The following SLC25A21 variants were observed in gnomAD, a reference collection of about 807,000 sequenced individuals.
The protein encoded by SLC25A21 is mitochondrial 2-oxodicarboxylate carrier.
A neutral mutation model predicts 43.8 loss-of-function variants in SLC25A21; 47 were observed. The ratio of observed to expected loss-of-function variants is 1.07; its 90% CI spans 0.85 to 1.37. The LOEUF is 1.37. SLC25A21 is among the 40% of genes most tolerant of loss of function. The pLI is 0.00. For synonymous variants in SLC25A21, 131 were observed against 121.3 expected (o/e 1.08, Z -0.52); for missense variants, 352 against 350.2 (o/e 1.00, Z -0.04).
chr14:36,820,102 C>T (rs147358380), intron 2 of SLC25A21, among the ~76,000 whole-genome samples: 1 of 152,208 alleles, frequency 6.6e-6, no homozygotes, highest in Non-Finnish European at 1.5e-5. Context: ...CAAGCCACCC[C>T]TTTGGCACTG....
At chr14:36,956,393 G>A (rs1011712617) in intron 1 of SLC25A21, among the ~76,000 whole-genome samples, 1 of 147,716 alleles carries the variant, frequency 6.8e-6, no homozygotes, top group African/African-American at 2.4e-5. Context: ...TAGAAATGGT[G>A]TAAAGTATAG....
chr14:36,742,280 T>C (rs1033593), intron 3 of SLC25A21, among the ~76,000 whole-genome samples: 87,616 of 152,026 alleles, frequency 0.58, 26,813 homozygotes, highest in African/African-American at 0.79. Context: ...ATCCAAGTTT[T>C]TTACCCACAT....
chr14:36,825,869 T>C (rs1409911454), intron 2 of SLC25A21, among the ~76,000 whole-genome samples: 1 of 152,234 alleles, frequency 6.6e-6, no homozygotes, highest in African/African-American at 2.4e-5. Context: ...TGAATTGTCA[T>C]ATCTAATGAA....
intron 2 of SLC25A21, among the ~76,000 whole-genome samples, chr14:36,866,640 A>G (rs1485904526): frequency 6.6e-6 from 1 of 152,184 alleles, no homozygotes; most frequent in Non-Finnish European, 1.5e-5. Flanking sequence ...TATTCTTCTT[A>G]GGAAAGAACC....
At chr14:36,700,469 A>C (rs1456356477) in intron 7 of SLC25A21, among the ~76,000 whole-genome samples, 1 of 152,168 alleles carries the variant, frequency 6.6e-6, no homozygotes, top group Non-Finnish European at 1.5e-5. Context: ...ATGTCACCAG[A>C]AGAGTGAATG....
chr14:36,879,649 G>A (rs566742871), intron 1 of SLC25A21, among the ~76,000 whole-genome samples: 19 of 152,012 alleles, frequency 1.2e-4, no homozygotes, highest in African/African-American at 3.9e-4. Flanking sequence ...ACATGCCTTC[G>A]CCTGAGCCAA....
intron 2 of SLC25A21, among the ~76,000 whole-genome samples, chr14:36,858,802 G>A: frequency 6.6e-6 from 1 of 152,008 alleles, no homozygotes; most frequent in South Asian, 2.1e-4. Flanking sequence ...TCACACTCTG[G>A]GAAATCAAAA....
chr14:36,697,350 T>G (rs1271354642), intron 7 of SLC25A21, among the ~76,000 whole-genome samples: 1 of 152,196 alleles, frequency 6.6e-6, no homozygotes, highest in East Asian at 1.9e-4. Flanking sequence ...AACTACAGAA[T>G]AAGTGTGATG....
chr14:36,933,988 T>C (rs1008630525), intron 1 of SLC25A21, among the ~76,000 whole-genome samples: 5 of 152,146 alleles, frequency 3.3e-5, no homozygotes, highest in Non-Finnish European at 4.4e-5. Flanking sequence ...GAAAGTTGAA[T>C]GCAAATCTCT....
intron 1 of SLC25A21, among the ~76,000 whole-genome samples, chr14:37,065,168 G>A (rs77352630): frequency 0.02 from 3,075 of 152,266 alleles, 105 homozygotes; most frequent in African/African-American, 0.07. Flanking sequence ...TATGGATGAG[G>A]TGACACTTGA....
intron 1 of SLC25A21, among the ~76,000 whole-genome samples, chr14:37,128,885 G>A (rs1224378425): frequency 6.6e-6 from 1 of 152,070 alleles, no homozygotes; most frequent in East Asian, 1.9e-4. Flanking sequence ...ACTGCACCTG[G>A]CCCTGCATTA....
rs774538637 is a variant in SLC25A21, at chr14:36,680,636, G to A, written c.*22C>T. 5.6e-6 allele frequency: 9 copies of A among 1,608,920 alleles called. No homozygotes were observed. In the African/African-American group the frequency reaches 9.4e-5, roughly 17 times the overall value. ...ATAGCAAATATCCATTATCTCAAGG[G>A]GGAAAAACACTTCATAGGCAATCAC... On this transcript the variant is annotated 3_prime_UTR_variant, in exon 10 of 10. Transcript: ENST00000331299.
Position 36,730,633 on chromosome 14 carries a change from C to G in SLC25A21, c.271-1067G>C, listed in dbSNP as rs1033556444. On this transcript the variant is annotated intron_variant, in intron 4 of 9. Transcript: ENST00000331299. ...GGCAGCCCAAGAATCGTTTTACTAT[C>G]TGGTAAATTTTGATTCTTTTCAACA... 4.6e-5 allele frequency among the ~76,000 whole-genome samples: 7 copies of G among 152,180 alleles called. No individual in the cohort carries two copies. In the East Asian group the frequency reaches 1.2e-3, roughly 25 times the overall value.
intron 1 of SLC25A21, among the ~76,000 whole-genome samples, chr14:37,123,174 T>A (rs1963239620): frequency 6.6e-6 from 1 of 152,218 alleles, no homozygotes; most frequent in African/African-American, 2.4e-5. Context: ...TATTGCTTAA[T>A]GCTGTAAGTG....
At chr14:37,117,361 T>C (rs1034261310) in intron 1 of SLC25A21, among the ~76,000 whole-genome samples, 3 of 152,162 alleles carry the variant, frequency 2.0e-5, no homozygotes, top group African/African-American at 7.2e-5. Context: ...TACCATAAGA[T>C]GTGGCTCAGT....
intron 1 of SLC25A21, among the ~76,000 whole-genome samples, chr14:36,894,404 T>C (rs1423223379): frequency 2.0e-5 from 3 of 152,256 alleles, no homozygotes; most frequent in Non-Finnish European, 2.9e-5. Context: ...CCTGAGATTT[T>C]GCTGAATTTG....
chr14:36,695,901 C>A (rs1883000655), intron 7 of SLC25A21, among the ~76,000 whole-genome samples: 1 of 152,186 alleles, frequency 6.6e-6, no homozygotes, highest in Admixed American at 6.5e-5. Flanking sequence ...CCCTTTATTT[C>A]TTTCTCTTGC....
intron 3 of SLC25A21, among the ~76,000 whole-genome samples, chr14:36,798,122 G>A (rs1034193605): frequency 5.3e-5 from 8 of 152,226 alleles, no homozygotes; most frequent in Middle Eastern, 3.4e-3. Context: ...CGTTGTTAGC[G>A]CCTTGGTGTC....
chr14:36,970,937 A>C (rs1474156884), intron 1 of SLC25A21, among the ~76,000 whole-genome samples: 1 of 152,192 alleles, frequency 6.6e-6, no homozygotes. Context: ...TATAGAGTCT[A>C]TGTTTATATA....
Sources: allele counts gnomAD v4.1 joint callset (sites outside exome capture counted in the v4.1 genomes callset), GRCh38; gene constraint gnomAD v4.1.1; transcripts MANE v1.5; gene names NCBI Gene and HGNC (gene_info 2026-07-23, HGNC 2026-07-21).